Variants in SMC5 observed in about 807,000 individuals in gnomAD.
SMC5 encodes structural maintenance of chromosomes 5, also known as structural maintenance of chromosomes protein 5.
A neutral mutation model predicts 148.3 loss-of-function variants in SMC5; 88 were observed. The ratio of observed to expected loss-of-function variants is 0.59; its 90% CI spans 0.50 to 0.71. The LOEUF (loss-of-function observed/expected upper bound fraction) is 0.71, where lower values mean the gene tolerates loss of function less well. Among genes scored for constraint, SMC5 ranks in the 30% least tolerant of loss-of-function variants. The probability of loss-of-function intolerance (pLI) is 0.00; values close to 1 mark genes in which losing one functional copy is unlikely to be tolerated. For missense variants in SMC5, 1,142 were observed against 1,298.9 expected, an observed-to-expected ratio of 0.88 and a Z score of 1.86; for synonymous variants, 421 against 432.8, an observed-to-expected ratio of 0.97 and a Z score of 0.34.
chr9:70,269,567 T>A (rs1272468530), intron 3 of SMC5, among the ~76,000 whole-genome samples: 1 of 151,912 alleles, frequency 6.6e-6, no homozygotes, highest in Non-Finnish European at 1.5e-5. Context: ...GGTGACAGAG[T>A]GAGACTCTGT....
At chr9:70,298,903 T>C (rs541312321) in intron 9 of SMC5, among the ~76,000 whole-genome samples, 1 of 152,038 alleles carries the variant, frequency 6.6e-6, no homozygotes, top group Admixed American at 6.5e-5. Flanking sequence ...TAATCAACTT[T>C]AGACATTATC....
chr9:70,337,330 C>T (rs942303790), intron 17 of SMC5, among the ~76,000 whole-genome samples: 1 of 152,058 alleles, frequency 6.6e-6, no homozygotes, highest in Non-Finnish European at 1.5e-5. Flanking sequence ...ACACCTGACA[C>T]AGTGAGAGAT....
intron 17 of SMC5, among the ~76,000 whole-genome samples, chr9:70,341,369 C>G (rs2036518403): frequency 6.6e-6 from 1 of 152,152 alleles, no homozygotes; most frequent in Non-Finnish European, 1.5e-5. Flanking sequence ...TCCAGAGGAA[C>G]AAGAATCAGG....
At chr9:70,278,875 TA>T (rs1216130422) in intron 5 of SMC5, among the ~76,000 whole-genome samples, 2 of 152,152 alleles carry the variant, frequency 1.3e-5, no homozygotes, top group African/African-American at 4.8e-5. Context: ...CCAGTAACAG[TA>T]TTATAAAAAA....
At chr9:70,306,932 A>G (rs1322788700) in intron 11 of SMC5, among the ~76,000 whole-genome samples, 1 of 152,212 alleles carries the variant, frequency 6.6e-6, no homozygotes, top group Non-Finnish European at 1.5e-5. Context: ...GTAAATTACA[A>G]ATCTTCACAA....
chr9:70,294,758 G>A (rs1746962642), intron 8 of SMC5, among the ~76,000 whole-genome samples: 1 of 152,170 alleles, frequency 6.6e-6, no homozygotes, highest in Admixed American at 6.5e-5. Flanking sequence ...GCTGAGGAAA[G>A]GTTAAGGAAA....
chr9:70,268,768 C>T (rs1290294166), intron 3 of SMC5, among the ~76,000 whole-genome samples: 1 of 152,110 alleles, frequency 6.6e-6, no homozygotes, highest in East Asian at 1.9e-4. Flanking sequence ...ATGACAAGGA[C>T]TTGGTACTTC....
In SMC5 at chr9:70,305,361, G is replaced by T; in HGVS notation, c.1578+1G>T. ...AGATATGGAGGTTTTCCTCAAAGAGGCAAGTACTAACCAACACAACACTTT... is the reference window on the plus strand; with the variant it reads ...AGATATGGAGGTTTTCCTCAAAGAGTCAAGTACTAACCAACACAACACTTT... On this transcript the variant is annotated splice_donor_variant, in intron 11 of 24. Coordinates refer to ENST00000361138, the MANE Select transcript of SMC5 (RefSeq NM_015110.4). LOFTEE classifies it high-confidence loss of function. 6.5e-7 allele frequency: 1 copy of T among 1,537,890 alleles called. No homozygotes were observed.
intron 19 of SMC5, 90 bp from the exon 20 acceptor site, chr9:70,346,976 G>A: frequency 1.1e-6 from 1 of 925,888 alleles, no homozygotes; most frequent in Non-Finnish European, 1.7e-6. Flanking sequence ...TGAACAGATA[G>A]ATAACTTATT....
intron 10 of SMC5, among the ~76,000 whole-genome samples, chr9:70,304,562 C>CT (rs2035447902): frequency 1.3e-5 from 2 of 152,110 alleles, no homozygotes. Flanking sequence ...TGACAGATGC[C>CT]TGTAGTCCCA....
chr9:70,351,350 T>C (rs1392814538), intron 24 of SMC5, among the ~76,000 whole-genome samples: 1 of 150,854 alleles, frequency 6.6e-6, no homozygotes, highest in Non-Finnish European at 1.5e-5. Flanking sequence ...TGAGACCTTG[T>C]TCCAAAAAAA....
chr9:70,277,267 A>G, intron 3 of SMC5, 43 bp from the exon 4 acceptor site: 1 of 1,327,610 alleles, frequency 7.5e-7, no homozygotes, highest in Non-Finnish European at 9.9e-7. Flanking sequence ...AAACTAATGT[A>G]TATATTTTGA....
At position 70,299,436 on chromosome 9, in the gene SMC5, C is replaced by T. The variant is rs115258057; in HGVS notation, c.1310-610C>T. On this transcript the variant is annotated intron_variant, in intron 9 of 24. Coordinates refer to ENST00000361138, the MANE Select transcript of SMC5 (RefSeq NM_015110.4). ...CCCATAGCCTTCTGTCCTTCTCCTT[C>T]CATCTAAACTGGTTGTTCTTGAGGC... is the stretch of plus-strand genomic sequence containing the variant. 5.6e-3 allele frequency among the ~76,000 whole-genome samples: 845 copies of T among 151,958 alleles called. 8 individuals carry two copies. Among genetic ancestry groups the T allele is most frequent in the African/African-American group, 0.019 (796 of 41,480 alleles).
At position 70,318,624 on chromosome 9, in the gene SMC5, A is replaced by G; in HGVS notation, c.1917A>G (p.Val639=). Residue 639 remains valine (V), a synonymous_variant, in exon 14 of 25, where the codon GTA becomes GTG. Transcript: ENST00000361138. Reference sequence around the variant, plus strand: ...TTTCTAGTAACACATCTCTAAAAGTAGCGCAGTTTCTCACTGTCACTGTGG... The same window carrying G: ...TTTCTAGTAACACATCTCTAAAAGTGGCGCAGTTTCTCACTGTCACTGTGG... ...KVISSNTSLK[V]AQFLTVTVDL... 1 of 1,612,828 alleles carries G rather than the reference A, an allele frequency of 6.2e-7. No individual in the cohort carries two copies. Among genetic ancestry groups the G allele is most frequent in the Non-Finnish European group, 8.5e-7 (1 of 1,179,296 alleles).
intron 9 of SMC5, among the ~76,000 whole-genome samples, chr9:70,298,827 CTT>C (rs893075345): frequency 1.1e-4 from 17 of 151,578 alleles, no homozygotes; most frequent in Non-Finnish European, 4.4e-5. Context: ...ACTTTTAACT[CTT>C]TAAGAAGATT....
intron 17 of SMC5, among the ~76,000 whole-genome samples, chr9:70,334,374 G>GA (rs1220749308): frequency 6.6e-6 from 1 of 151,878 alleles, no homozygotes; most frequent in Admixed American, 6.6e-5. Flanking sequence ...AGATAAAATA[G>GA]AAAAAACACA....
At chr9:70,304,680 G>A (rs754108096) in intron 10 of SMC5, among the ~76,000 whole-genome samples, 9 of 151,914 alleles carry the variant, frequency 5.9e-5, no homozygotes, top group Non-Finnish European at 1.3e-4. Context: ...GAGAGAGACT[G>A]TCTCAAAAAA....
intron 7 of SMC5, among the ~76,000 whole-genome samples, chr9:70,285,300 C>T (rs935657284): frequency 6.6e-6 from 1 of 152,124 alleles, no homozygotes; most frequent in African/African-American, 2.4e-5. Context: ...GCACAAGCTT[C>T]CAAGGGTCCT....
chr9:70,261,133 T>C lies in SMC5; in HGVS notation c.185+1870T>C, dbSNP rs2034116626. Among the ~76,000 whole-genome samples, 3 of 152,168 alleles carry C rather than the reference T, an allele frequency of 2.0e-5. No homozygotes were observed. In the South Asian group the frequency reaches 6.2e-4, roughly 32 times the overall value. ...GTATATTTAGAAAGCGTCAAGTATT[T>C]TAGTAAGGCAAGAATATAGGATGTG... On this transcript the variant is annotated intron_variant, in intron 1 of 24. Transcript: ENST00000361138.
Sources: gnomAD v4.1 joint callset for allele counts (sites outside exome capture counted in the v4.1 genomes callset) on GRCh38, gnomAD v4.1.1 for gene constraint, MANE v1.5 for transcripts, NCBI Gene and HGNC (gene_info 2026-07-23, HGNC 2026-07-21) for gene names.